UTRN: variants seen among roughly 807,000 people sequenced by gnomAD.
The protein encoded by UTRN is utrophin, also known as dystrophin-related protein 1.
Under a neutral mutation model 463.9 loss-of-function variants are expected in UTRN, and 283 were observed. The ratio of observed to expected loss-of-function variants is 0.61; its 90% CI spans 0.55 to 0.67. The LOEUF (loss-of-function observed/expected upper bound fraction) is 0.67. UTRN is among the 30% of genes least tolerant of loss of function. The probability of loss-of-function intolerance (pLI) is 0.00; values close to 1 mark genes in which losing one functional copy is unlikely to be tolerated. For synonymous variants in UTRN, 1,442 were observed against 1,431.5 expected (o/e 1.01, Z -0.17); for missense variants, 3,922 against 4,084.3 (o/e 0.96, Z 1.08).
At chr6:144,412,883 C>T (rs937098641) in intron 3 of UTRN, among the ~76,000 whole-genome samples, 10 of 151,928 alleles carry the variant, frequency 6.6e-5, no homozygotes, top group Non-Finnish European at 1.3e-4. Flanking sequence ...TAATCAGTGT[C>T]GAAGGGCTCA....
chr6:144,485,849 G>T (rs1792390360), intron 28 of UTRN, among the ~76,000 whole-genome samples: 1 of 152,178 alleles, frequency 6.6e-6, no homozygotes, highest in African/African-American at 2.4e-5. Context: ...CTGCTCTCTT[G>T]TTTCATCAAC....
intron 39 of UTRN, among the ~76,000 whole-genome samples, chr6:144,518,092 C>A (rs531716309): frequency 6.6e-6 from 1 of 152,142 alleles, no homozygotes; most frequent in Non-Finnish European, 1.5e-5. Flanking sequence ...TGTTTTATGA[C>A]CATCAGAAAG....
At chr6:144,824,614 C>CTCTCTCTTTT (rs1315487327) in intron 66 of UTRN, among the ~76,000 whole-genome samples, 6 of 30,878 alleles carry the variant, frequency 1.9e-4, no homozygotes, top group African/African-American at 6.3e-4. Flanking sequence ...ATATATATAT[C>CTCTCTCTTTT]TTTTTTTTTT....
chr6:144,803,761 A>G (rs569511659), intron 65 of UTRN, among the ~76,000 whole-genome samples: 228 of 152,160 alleles, frequency 1.5e-3, no homozygotes, highest in African/African-American at 5.1e-3. Flanking sequence ...GATGTTATAA[A>G]TAACACTCTT....
rs202012231 is a variant in UTRN at position 144,463,609 on chromosome 6, C to CCTTG, written c.3066+744_3066+747dup. Among the ~76,000 whole-genome samples the CCTTG allele has an allele frequency of 6.2e-3, 930 of 150,794 alleles. 4 individuals are homozygous for CCTTG. The highest frequency in any genetic ancestry group is 9.4e-3 in the Non-Finnish European group (636 of 67,746). ...CTTCCTATCCTCCAGTGACTCCTTA[C>CCTTG]CTTGGTCTTTTTTTTTTTTTTTCCC... On this transcript the variant is annotated intron_variant, in intron 23 of 74. Coordinates refer to ENST00000367545, the MANE Select transcript of UTRN (RefSeq NM_007124.3).
intron 2 of UTRN, 135 bp from the exon 3 acceptor site, chr6:144,402,988 C>T (rs1481709774): frequency 1.5e-5 from 11 of 742,800 alleles, no homozygotes; most frequent in South Asian, 7.7e-5. Context: ...GCATTAGCTC[C>T]GCCTCATTGT....
chr6:144,849,901 A>G (rs369044654), intron 74 of UTRN, among the ~76,000 whole-genome samples: 1 of 152,176 alleles, frequency 6.6e-6, no homozygotes, highest in Non-Finnish European at 1.5e-5. Context: ...CCTTTCTCAT[A>G]TGGGGTTAAT....
chr6:144,536,345 G>A (rs1797532965), intron 43 of UTRN, among the ~76,000 whole-genome samples: 1 of 152,074 alleles, frequency 6.6e-6, no homozygotes, highest in Non-Finnish European at 1.5e-5. Flanking sequence ...GCCTATAATA[G>A]TATTTTGGGT....
chr6:144,438,940 G>C, intron 12 of UTRN, 45 bp downstream of exon 12: 1 of 1,596,232 alleles, frequency 6.3e-7, no homozygotes, highest in Non-Finnish European at 8.6e-7. Flanking sequence ...AAATATGAAA[G>C]AGCAGCACTT....
At chr6:144,422,599 C>G (rs1212714336) in intron 4 of UTRN, among the ~76,000 whole-genome samples, 1 of 150,282 alleles carries the variant, frequency 6.7e-6, no homozygotes, top group East Asian at 1.9e-4. Flanking sequence ...GCCTGGGCAA[C>G]AGAGTGAGAC....
chr6:144,839,258 C>A lies in UTRN; in HGVS notation c.10151C>A (p.Ala3384Asp), dbSNP rs1414865472. The A allele has an allele frequency of 1.2e-6, 2 of 1,613,748 alleles. No homozygotes were observed. The highest frequency in any genetic ancestry group is 3.3e-5 in the Admixed American group (2 of 60,002). ...SALSYSLDPD[A>D]SGPQFHQAAG... ...CTGAGCTACTCGCTTGATCCAGATG[C>A]CTCCGGCCCACAGTTCCACCAGGCA... Residue 3384 changes from alanine (A) to aspartate (D), a missense_variant, in exon 72 of 75, where the codon GCC becomes GAC. Ala to Asp is a moderately radical substitution (Grantham distance 126). Around this residue, in one of 3 missense-constraint regions of UTRN, gnomAD observed 1,309 missense variants for 1,452.6 expected, o/e 0.90. Transcript: ENST00000367545.
At chr6:144,314,952 T>A (rs1239857266) in intron 2 of UTRN, among the ~76,000 whole-genome samples, 1 of 151,790 alleles carries the variant, frequency 6.6e-6, no homozygotes, top group Non-Finnish European at 1.5e-5. Context: ...CTCTATATAT[T>A]TTTTTCCTTA....
intron 28 of UTRN, 38 bp downstream of exon 28, chr6:144,485,557 G>C: frequency 6.2e-7 from 1 of 1,613,634 alleles, no homozygotes; most frequent in Non-Finnish European, 8.5e-7. Flanking sequence ...TCTCTTTGCT[G>C]TGATGAGGCC....
At position 144,797,847 on chromosome 6, in the gene UTRN, T is replaced by C; in HGVS notation, c.9102T>C (p.Ser3034=). 6.2e-7 allele frequency: 1 copy of C among 1,613,972 alleles called. No homozygotes were observed. Among genetic ancestry groups the C allele is most frequent in the Non-Finnish European group, 8.5e-7 (1 of 1,179,962 alleles). Residue 3034 remains serine, a synonymous_variant, in exon 64 of 75, where the codon AGT becomes AGC. Transcript: ENST00000367545. ...AGAATAACAATAAACCAGAAATAAG[T>C]GTGAAAGAGTTTATAGATTGGATGC... ...FQQNNNKPEI[S]VKEFIDWMHL...
chr6:144,788,845 G>A (rs1776518716), intron 61 of UTRN, among the ~76,000 whole-genome samples: 1 of 152,186 alleles, frequency 6.6e-6, no homozygotes, highest in Non-Finnish European at 1.5e-5. Context: ...TTACAGGCAT[G>A]AGCCACTGTG....
At chr6:144,568,126 T>C (rs1349674114) in intron 50 of UTRN, among the ~76,000 whole-genome samples, 1 of 152,162 alleles carries the variant, frequency 6.6e-6, no homozygotes, top group South Asian at 2.1e-4. Context: ...TAAAGTGTTA[T>C]AAATCTGTCA....
At chr6:144,583,627 C>T in intron 51 of UTRN, 1 of 634,166 alleles carries the variant, frequency 1.6e-6, no homozygotes. Flanking sequence ...AAATAAGGAT[C>T]TCGGGTGTCT....
rs749526262 is a variant in UTRN, at chr6:144,438,741, A to T, written c.1242-4A>T. The T allele has an allele frequency of 3.1e-6, 5 of 1,614,152 alleles. No homozygotes were observed. In the South Asian group the frequency reaches 4.4e-5, roughly 14 times the overall value. ...AGGAATAATGCTGTGTTCCCCACGG[A>T]CAGGCTGCACGATGTGCTGATGGAA... On this transcript the variant is annotated splice_region_variant and splice_polypyrimidine_tract_variant and intron_variant, in intron 11 of 74. Transcript: ENST00000367545.
At chr6:144,541,269 C>T (rs1367002888) in intron 45 of UTRN, among the ~76,000 whole-genome samples, 1 of 152,144 alleles carries the variant, frequency 6.6e-6, no homozygotes, top group Admixed American at 6.5e-5. Context: ...ATCCACTGCT[C>T]TCTCTCCCCT....
Sources: allele counts gnomAD v4.1 joint callset (sites outside exome capture counted in the v4.1 genomes callset), GRCh38; gene constraint gnomAD v4.1.1; regional missense constraint gnomAD v4.1.1; transcripts MANE v1.5; gene names NCBI Gene and HGNC (gene_info 2026-07-23, HGNC 2026-07-21).